PELI2: variants seen among roughly 807,000 people sequenced by gnomAD.
PELI2 encodes the protein E3 ubiquitin-protein ligase pellino homolog 2.
A neutral mutation model predicts 42.3 loss-of-function variants in PELI2; 23 were observed. The observed-to-expected ratio is 0.54, with a 90% CI of 0.39 to 0.77. The LOEUF is 0.77. Ranked by LOEUF, PELI2 falls within the 30% of genes least tolerant of loss-of-function variation. The probability of loss-of-function intolerance (pLI) is 0.00; values close to 1 mark genes in which losing one functional copy is unlikely to be tolerated. For synonymous variants in PELI2, 245 were observed against 212.2 expected (o/e 1.15, Z -1.34); for missense variants, 463 against 553.2 (o/e 0.84, Z 1.64).
In PELI2 at chr14:56,299,088, G is replaced by A. The variant is rs527955600; in HGVS notation, c.*1922G>A. On this transcript the variant is annotated 3_prime_UTR_variant, in exon 6 of 6. Coordinates refer to ENST00000267460, the MANE Select transcript of PELI2 (RefSeq NM_021255.3). ...TGGGCCCCAAAGAATGACAAAGGAG[G>A]CACTCGTTCTCTTTTCTTGCTGTAT... 6.6e-6 allele frequency: 1 copy of A among 152,244 alleles called. No individual in the cohort carries two copies. The highest frequency in any genetic ancestry group is 1.9e-4 in the East Asian group (1 of 5,162). The allele number at this position is 152,244 out of a possible 1,614,324, so 9.4% of individuals were successfully genotyped here. A position where few individuals can be genotyped will look rare whatever the true frequency, so the allele number is the denominator to read the frequency against.
At chr14:56,235,462 C>G (rs1179823206) in intron 2 of PELI2, among the ~76,000 whole-genome samples, 1 of 152,214 alleles carries the variant, frequency 6.6e-6, no homozygotes, top group Non-Finnish European at 1.5e-5. Context: ...CTTTCATCCT[C>G]TCTTCTACGC....
At chr14:56,158,144 C>G (rs1595564619) in intron 1 of PELI2, among the ~76,000 whole-genome samples, 1 of 152,204 alleles carries the variant, frequency 6.6e-6, no homozygotes, top group Non-Finnish European at 1.5e-5. Flanking sequence ...TCTCCTGCCT[C>G]AGCCATCTTC....
chr14:56,229,110 T>G (rs1887465378), intron 2 of PELI2, among the ~76,000 whole-genome samples: 1 of 152,228 alleles, frequency 6.6e-6, no homozygotes, highest in Non-Finnish European at 1.5e-5. Flanking sequence ...AAGCTCGAAC[T>G]GGGAGGAGCC....
intron 1 of PELI2, among the ~76,000 whole-genome samples, chr14:56,172,567 G>A (rs1885219324): frequency 6.6e-6 from 1 of 152,186 alleles, no homozygotes; most frequent in African/African-American, 2.4e-5. Context: ...AGGTTGGTTG[G>A]TGTGCCGGCT....
At chr14:56,198,177 CA>C (rs1318716019) in intron 2 of PELI2, among the ~76,000 whole-genome samples, 3 of 151,762 alleles carry the variant, frequency 2.0e-5, no homozygotes, top group Non-Finnish European at 2.9e-5. Context: ...CCATTCAAGG[CA>C]AAAAAGAGGA....
At chr14:56,224,856 T>TA (rs35727686) in intron 2 of PELI2, among the ~76,000 whole-genome samples, 60,693 of 151,946 alleles carry the variant, frequency 0.4, 12,975 homozygotes, top group South Asian at 0.53. Flanking sequence ...CTGGCCCCCA[T>TA]ACCCTCTTCC....
chr14:56,153,162 A>T (rs905274269), intron 1 of PELI2, among the ~76,000 whole-genome samples: 1 of 152,244 alleles, frequency 6.6e-6, no homozygotes, highest in African/African-American at 2.4e-5. Flanking sequence ...AGCATGAGAA[A>T]GATCATAAGG....
chr14:56,178,274 C>T, intron 1 of PELI2, 61 bp from the exon 2 acceptor site: 2 of 1,579,118 alleles, frequency 1.3e-6, no homozygotes, highest in Non-Finnish European at 1.7e-6. Context: ...ATACCTCTAA[C>T]TTTTATGTTT....
chr14:56,274,294 A>C (rs542479421), intron 2 of PELI2, among the ~76,000 whole-genome samples: 2 of 152,354 alleles, frequency 1.3e-5, no homozygotes, highest in South Asian at 4.1e-4. Flanking sequence ...TAGCAGCCTT[A>C]TAGAGCTTGA....
At position 56,204,961 on chromosome 14, in the gene PELI2, C is replaced by T. The variant is rs748414827; in HGVS notation, c.207+26497C>T. On this transcript the variant is annotated intron_variant, in intron 2 of 5. Transcript: ENST00000267460. ...CAGGAGAATCGATTGACATGGGAGGCGGAGGGTGCAGTGAGCCGAGACCAT... is the reference window on the plus strand; with the variant it reads ...CAGGAGAATCGATTGACATGGGAGGTGGAGGGTGCAGTGAGCCGAGACCAT... 1.2e-3 allele frequency among the ~76,000 whole-genome samples: 170 copies of T among 142,516 alleles called. 3 individuals are homozygous for T. The highest frequency in any genetic ancestry group is 6.1e-4 in the Admixed American group (8 of 13,064). 93.5% of individuals were successfully genotyped at this position (142,516 alleles called of 152,430 possible). A position where few individuals can be genotyped will look rare whatever the true frequency, so the allele number is the denominator to read the frequency against.
At chr14:56,208,892 G>T (rs1426161467) in intron 2 of PELI2, among the ~76,000 whole-genome samples, 2 of 152,180 alleles carry the variant, frequency 1.3e-5, no homozygotes, top group South Asian at 2.1e-4. Context: ...ATTTTCTATA[G>T]GGAAATTACA....
chr14:56,248,655 C>A (rs550109623), intron 2 of PELI2, among the ~76,000 whole-genome samples: 1 of 152,084 alleles, frequency 6.6e-6, no homozygotes, highest in East Asian at 1.9e-4. Flanking sequence ...ATCCTGGAGT[C>A]TTGAATTCCA....
chr14:56,261,835 TTGTTAGC>T (rs1163659643), intron 2 of PELI2, among the ~76,000 whole-genome samples: 2 of 152,236 alleles, frequency 1.3e-5, no homozygotes, highest in Non-Finnish European at 2.9e-5. Flanking sequence ...AGTTTCTTAT[TTGTTAGC>T]TGGAGTTGTA....
chr14:56,122,348 A>G (rs1883091973), intron 1 of PELI2, among the ~76,000 whole-genome samples: 3 of 152,204 alleles, frequency 2.0e-5, no homozygotes, highest in African/African-American at 4.8e-5. Flanking sequence ...AGGCTCCCAG[A>G]ACAAGAGAGG....
chr14:56,130,841 T>C (rs1012660647), intron 1 of PELI2, among the ~76,000 whole-genome samples: 5 of 152,230 alleles, frequency 3.3e-5, no homozygotes, highest in Non-Finnish European at 5.9e-5. Context: ...TGATCCATTT[T>C]GTTCCTCCTT....
chr14:56,129,849 T>A (rs1356671965), intron 1 of PELI2, among the ~76,000 whole-genome samples: 1 of 152,184 alleles, frequency 6.6e-6, no homozygotes. Context: ...ATCCCATTGC[T>A]GGAGAAAAGA....
At chr14:56,243,000 A>G (rs1888029427) in intron 2 of PELI2, among the ~76,000 whole-genome samples, 1 of 152,234 alleles carries the variant, frequency 6.6e-6, no homozygotes, top group Non-Finnish European at 1.5e-5. Context: ...AAACTATTGA[A>G]GCTGAATAAA....
At chr14:56,215,502 A>G (rs908025409) in intron 2 of PELI2, among the ~76,000 whole-genome samples, 2 of 152,244 alleles carry the variant, frequency 1.3e-5, no homozygotes, top group African/African-American at 2.4e-5. Flanking sequence ...GGACTTACTT[A>G]TAGCTTTTTC....
intron 2 of PELI2, among the ~76,000 whole-genome samples, chr14:56,182,904 G>C (rs1291068516): frequency 6.6e-6 from 1 of 152,162 alleles, no homozygotes; most frequent in Non-Finnish European, 1.5e-5. Context: ...TGCCGAGCCT[G>C]TGTCTCATGG....
Sources: allele counts gnomAD v4.1 joint callset (sites outside exome capture counted in the v4.1 genomes callset), GRCh38; gene constraint gnomAD v4.1.1; transcripts MANE v1.5; gene names NCBI Gene and HGNC (gene_info 2026-07-23, HGNC 2026-07-21).